The following FUT9 variants were observed in gnomAD, a reference collection of about 807,000 sequenced individuals.
The protein encoded by FUT9 is fucosyltransferase 9, also known as 4-galactosyl-N-acetylglucosaminide 3-alpha-L-fucosyltransferase 9.
Under a neutral mutation model 29.7 loss-of-function variants are expected in FUT9, and 15 were observed. The observed-to-expected ratio is 0.51, with a 90% CI of 0.34 to 0.78. FUT9 has a LOEUF of 0.78. FUT9 is among the 30% of genes least tolerant of loss of function. The probability of loss-of-function intolerance (pLI) is 0.01; values close to 1 mark genes in which losing one functional copy is unlikely to be tolerated. For synonymous variants in FUT9, 169 were observed against 153.7 expected (o/e 1.10, Z -0.74); for missense variants, 319 against 425.4 (o/e 0.75, Z 2.20).
chr6:96,071,279 G>A (rs907149203), intron 1 of FUT9, among the ~76,000 whole-genome samples: 1 of 152,182 alleles, frequency 6.6e-6, no homozygotes, highest in Non-Finnish European at 1.5e-5. Flanking sequence ...CTGTAAGTGA[G>A]GAAGTATGTG....
intron 2 of FUT9, among the ~76,000 whole-genome samples, chr6:96,129,277 AAAAAAAAAAAAAAAAC>A (rs1296700602): frequency 3.0e-5 from 1 of 33,596 alleles, no homozygotes. Flanking sequence ...AAAAAAAAAA[AAAAAAAAAAAAAAAAC>A]AAACAACCAG....
intron 1 of FUT9, among the ~76,000 whole-genome samples, chr6:96,076,373 A>C (rs1771142888): frequency 6.6e-6 from 1 of 152,224 alleles, no homozygotes; most frequent in Non-Finnish European, 1.5e-5. Context: ...GAATTACCTG[A>C]GGGCTTTCAA....
At chr6:96,101,344 G>GGAGTTCA (rs1466235084) in intron 1 of FUT9, among the ~76,000 whole-genome samples, 3 of 152,020 alleles carry the variant, frequency 2.0e-5, no homozygotes, top group African/African-American at 7.2e-5. Flanking sequence ...TTCAAGACCA[G>GGAGTTCA]CCTGGCCAAC....
At chr6:96,080,117 T>G (rs1161871377) in intron 1 of FUT9, among the ~76,000 whole-genome samples, 1 of 151,980 alleles carries the variant, frequency 6.6e-6, no homozygotes, top group Non-Finnish European at 1.5e-5. Context: ...GAACAAATCA[T>G]GATGAATAAA....
intron 1 of FUT9, among the ~76,000 whole-genome samples, chr6:96,074,790 T>G (rs1329536901): frequency 1.3e-5 from 2 of 152,114 alleles, no homozygotes; most frequent in Non-Finnish European, 2.9e-5. Flanking sequence ...TATTGTTTTT[T>G]TTAAGAGACA....
intron 2 of FUT9, among the ~76,000 whole-genome samples, chr6:96,164,094 C>A (rs1187370384): frequency 6.6e-6 from 1 of 152,024 alleles, no homozygotes; most frequent in African/African-American, 2.4e-5. Flanking sequence ...TGCAGAACCT[C>A]AGTGCAACTC....
At chr6:96,185,974 T>G (rs1020100718) in intron 2 of FUT9, among the ~76,000 whole-genome samples, 2 of 152,048 alleles carry the variant, frequency 1.3e-5, no homozygotes, top group Non-Finnish European at 2.9e-5. Context: ...GTTCGAGAAA[T>G]TTGTCTCTCT....
At chr6:96,083,178 C>T (rs1771265441) in intron 1 of FUT9, among the ~76,000 whole-genome samples, 1 of 152,010 alleles carries the variant, frequency 6.6e-6, no homozygotes, top group Non-Finnish European at 1.5e-5. Context: ...TTCTTATCAA[C>T]ACTGAATCAC....
At chr6:96,128,894 T>G (rs971970072) in intron 2 of FUT9, among the ~76,000 whole-genome samples, 18 of 151,416 alleles carry the variant, frequency 1.2e-4, no homozygotes, top group Non-Finnish European at 2.4e-4. Flanking sequence ...AAAGGCTGAG[T>G]AGGAAGGATC....
intron 2 of FUT9, among the ~76,000 whole-genome samples, chr6:96,164,607 A>C (rs1344286963): frequency 2.0e-5 from 3 of 152,168 alleles, no homozygotes; most frequent in Admixed American, 6.5e-5. Flanking sequence ...TCAGACCTGA[A>C]GAGTCTGCTC....
intron 1 of FUT9, among the ~76,000 whole-genome samples, chr6:96,031,365 G>T (rs927203168): frequency 6.7e-6 from 1 of 149,642 alleles, no homozygotes; most frequent in Non-Finnish European, 1.5e-5. Flanking sequence ...AAGAGTTATT[G>T]GGAAAGGATT....
At chr6:96,021,062 C>A (rs1770060070) in intron 1 of FUT9, 1 of 151,962 alleles carries the variant, frequency 6.6e-6, no homozygotes, top group Admixed American at 6.6e-5. Flanking sequence ...GATGAGACAC[C>A]AGCTGCTTTA....
chr6:96,074,693 T>A (rs183096506), intron 1 of FUT9, among the ~76,000 whole-genome samples: 3 of 152,320 alleles, frequency 2.0e-5, no homozygotes, highest in Admixed American at 2.0e-4. Context: ...TACCTTTATC[T>A]CTAAAACTTT....
At chr6:96,121,493 C>T (rs1772026517) in intron 2 of FUT9, among the ~76,000 whole-genome samples, 1 of 152,102 alleles carries the variant, frequency 6.6e-6, no homozygotes, top group Non-Finnish European at 1.5e-5. Flanking sequence ...TTTATGTTAT[C>T]AAGTAGTTAG....
intron 1 of FUT9, among the ~76,000 whole-genome samples, chr6:96,019,681 T>G (rs1001993457): frequency 6.6e-6 from 1 of 152,078 alleles, no homozygotes; most frequent in African/African-American, 2.4e-5. Flanking sequence ...ACAGAAACAT[T>G]TAAATTCTGT....
chr6:96,029,770 T>C (rs1031530657), intron 1 of FUT9, among the ~76,000 whole-genome samples: 3 of 151,600 alleles, frequency 2.0e-5, no homozygotes, highest in Non-Finnish European at 3.0e-5. Context: ...AAACAGGGAC[T>C]ATGACTAATG....
chr6:96,104,964 TAAAG>T (rs1269931089), intron 1 of FUT9, among the ~76,000 whole-genome samples: 1 of 152,198 alleles, frequency 6.6e-6, no homozygotes, highest in African/African-American at 2.4e-5. Context: ...AGAACAAAGA[TAAAG>T]AGTCATCTCG....
intron 1 of FUT9, among the ~76,000 whole-genome samples, chr6:96,052,120 T>C (rs1420101577): frequency 6.6e-6 from 1 of 152,112 alleles, no homozygotes; most frequent in African/African-American, 2.4e-5. Flanking sequence ...CTTCACATGA[T>C]GGAAGGAAGG....
intron 1 of FUT9, among the ~76,000 whole-genome samples, chr6:96,030,276 A>G (rs1339097442): frequency 1.3e-5 from 2 of 151,672 alleles, no homozygotes; most frequent in Non-Finnish European, 3.0e-5. Context: ...AAAACCATAT[A>G]ACCCAATAAA....
Sources: allele counts gnomAD v4.1 joint callset (sites outside exome capture counted in the v4.1 genomes callset), GRCh38; gene constraint gnomAD v4.1.1; transcripts MANE v1.5; gene names NCBI Gene and HGNC (gene_info 2026-07-23, HGNC 2026-07-21).